Variants in CTNNA2 observed in about 807,000 individuals in gnomAD.
CTNNA2 encodes catenin alpha-2.
A neutral mutation model predicts 101.0 loss-of-function variants in CTNNA2; 42 were observed. The ratio of observed to expected loss-of-function variants is 0.42; its 90% confidence interval spans 0.32 to 0.54. The LOEUF (loss-of-function observed/expected upper bound fraction) is 0.54, where lower values mean the gene tolerates loss of function less well. Ranked by LOEUF, CTNNA2 falls within the 20% of genes least tolerant of loss-of-function variation. CTNNA2 has a pLI of 0.14. For missense variants in CTNNA2, 871 were observed against 1,223.1 expected (o/e 0.71, Z 4.29); for synonymous variants, 450 against 456.4 (o/e 0.99, Z 0.18).
chr2:80,304,350 C>G (rs1676690255), intron 7 of CTNNA2: 1 of 152,814 alleles, frequency 6.5e-6, no homozygotes. Flanking sequence ...GAGGCGACTT[C>G]TAGGACCCGC....
intron 7 of CTNNA2, among the ~76,000 whole-genome samples, chr2:79,966,178 G>A (rs1045200938): frequency 6.6e-6 from 1 of 151,982 alleles, no homozygotes; most frequent in African/African-American, 2.4e-5. Flanking sequence ...ATTTATTTAT[G>A]TTGCTAGCAC....
chr2:80,123,390 A>G (rs996624186), intron 7 of CTNNA2, among the ~76,000 whole-genome samples: 1 of 152,066 alleles, frequency 6.6e-6, no homozygotes, highest in Non-Finnish European at 1.5e-5. Context: ...GGCAAGGAAG[A>G]ACATCTTCAG....
At chr2:80,061,689 A>G (rs1331908005) in intron 7 of CTNNA2, among the ~76,000 whole-genome samples, 1 of 152,182 alleles carries the variant, frequency 6.6e-6, no homozygotes, top group Non-Finnish European at 1.5e-5. Flanking sequence ...CTATCATTAC[A>G]TTTTACCAAA....
chr2:80,624,355 A>C (rs1394421616), intron 18 of CTNNA2, among the ~76,000 whole-genome samples: 5 of 152,160 alleles, frequency 3.3e-5, no homozygotes, highest in South Asian at 4.1e-4. Flanking sequence ...ATGTATGTTT[A>C]AATCAATAGT....
At chr2:80,567,254 A>G (rs1013915984) in intron 12 of CTNNA2, among the ~76,000 whole-genome samples, 8 of 151,664 alleles carry the variant, frequency 5.3e-5, no homozygotes, top group African/African-American at 1.9e-4. Context: ...TACTAAAATC[A>G]CTAATATAAA....
At chr2:80,275,006 A>G (rs1447846430) in intron 7 of CTNNA2, among the ~76,000 whole-genome samples, 1 of 152,254 alleles carries the variant, frequency 6.6e-6, no homozygotes, top group Non-Finnish European at 1.5e-5. Flanking sequence ...AAGGTATGTA[A>G]TAATTAGATG....
intron 2 of CTNNA2, among the ~76,000 whole-genome samples, chr2:79,718,511 T>A (rs183496006): frequency 1.4e-3 from 218 of 152,316 alleles, no homozygotes; most frequent in African/African-American, 5.0e-3. Context: ...TATTCATTAG[T>A]TTGAGAGGTC....
At chr2:80,361,510 A>T (rs914249590) in intron 7 of CTNNA2, among the ~76,000 whole-genome samples, 1 of 152,108 alleles carries the variant, frequency 6.6e-6, no homozygotes, top group African/African-American at 2.4e-5. Context: ...AGTTTCTTGA[A>T]TGGCTTATTC....
intron 2 of CTNNA2, among the ~76,000 whole-genome samples, chr2:79,253,037 A>G (rs75241894): frequency 0.096 from 14,663 of 152,232 alleles, 907 homozygotes; most frequent in East Asian, 0.14. Context: ...ATGGAAGCAT[A>G]TTCTCATTTG....
chr2:80,461,337 C>A (rs1324144256), intron 9 of CTNNA2, among the ~76,000 whole-genome samples: 2 of 152,066 alleles, frequency 1.3e-5, no homozygotes. Context: ...TTCCCATTAT[C>A]CCTGATGTTA....
chr2:80,508,427 G>A (rs927317099), intron 9 of CTNNA2, among the ~76,000 whole-genome samples: 1 of 152,144 alleles, frequency 6.6e-6, no homozygotes, highest in Non-Finnish European at 1.5e-5. Flanking sequence ...AGAGGTTTCA[G>A]TTAGCCCAGA....
intron 7 of CTNNA2, among the ~76,000 whole-genome samples, chr2:79,911,203 C>A (rs1046978018): frequency 1.3e-5 from 2 of 152,182 alleles, no homozygotes; most frequent in African/African-American, 2.4e-5. Flanking sequence ...GCAGATGTGT[C>A]AACGAAGAAT....
intron 1 of CTNNA2, among the ~76,000 whole-genome samples, chr2:79,193,536 T>G (rs535746662): frequency 6.6e-6 from 1 of 152,176 alleles, no homozygotes; most frequent in Non-Finnish European, 1.5e-5. Context: ...TCTAGGATGT[T>G]CAAATAGTAA....
intron 7 of CTNNA2, among the ~76,000 whole-genome samples, chr2:80,258,930 G>A (rs1035199472): frequency 6.6e-6 from 1 of 152,110 alleles, no homozygotes; most frequent in Admixed American, 6.5e-5. Flanking sequence ...CTGACATTAT[G>A]ATTAAGTCTA....
intron 1 of CTNNA2, among the ~76,000 whole-genome samples, chr2:79,576,268 C>T (rs1249994671): frequency 6.6e-6 from 1 of 152,026 alleles, no homozygotes; most frequent in Non-Finnish European, 1.5e-5. Flanking sequence ...TCGAATTTAC[C>T]TGAGAGAAGG....
chr2:79,778,623 G>A (rs1225776960), intron 3 of CTNNA2, among the ~76,000 whole-genome samples: 3 of 151,832 alleles, frequency 2.0e-5, no homozygotes, highest in South Asian at 2.1e-4. Context: ...ATATACACAC[G>A]TAACATACGT....
intron 1 of CTNNA2, among the ~76,000 whole-genome samples, chr2:79,643,771 G>T (rs971846913): frequency 1.3e-5 from 2 of 152,006 alleles, no homozygotes. Context: ...CCTCATTTAG[G>T]CTGGTGACTG....
chr2:79,778,034 A>G (rs1046582132), intron 3 of CTNNA2, among the ~76,000 whole-genome samples: 7 of 152,084 alleles, frequency 4.6e-5, no homozygotes, highest in Non-Finnish European at 8.8e-5. Flanking sequence ...CCTAACAGGA[A>G]GGATGGAAAG....
intron 4 of CTNNA2, among the ~76,000 whole-genome samples, chr2:79,409,155 T>G (rs1018855162): frequency 2.6e-5 from 4 of 152,198 alleles, no homozygotes; most frequent in Non-Finnish European, 4.4e-5. Flanking sequence ...TGTTTGTTTC[T>G]TTCTTGTAAA....
Sources: gnomAD v4.1 joint callset for allele counts (sites outside exome capture counted in the v4.1 genomes callset) on GRCh38, gnomAD v4.1.1 for gene constraint, MANE v1.5 for transcripts, NCBI Gene and HGNC (gene_info 2026-07-23, HGNC 2026-07-21) for gene names.